The following RIF1 variants were observed in gnomAD, a reference collection of about 807,000 sequenced individuals.
RIF1 encodes the protein telomere-associated protein RIF1.
In RIF1, 45 loss-of-function variants were observed where a neutral mutation model predicts 247.1. The ratio of observed to expected loss-of-function variants is 0.18; its 90% CI spans 0.14 to 0.23. The LOEUF (loss-of-function observed/expected upper bound fraction) is 0.23, where lower values mean the gene tolerates loss of function less well. Ranked by LOEUF, RIF1 falls within the 10% of genes least tolerant of loss-of-function variation. The pLI is 1.00. For synonymous variants in RIF1, 1,087 were observed against 978.8 expected (o/e 1.11, Z -2.06); for missense variants, 2,967 against 2,862.5 (o/e 1.04, Z -0.83).
intron 26 of RIF1, 22 bp from the exon 27 acceptor site, chr2:151,461,111 CATTTG>C: frequency 6.3e-7 from 1 of 1,593,884 alleles, no homozygotes; most frequent in Non-Finnish European, 8.5e-7. Context: ...CTAAAATGTA[CATTTG>C]CTTATTTTTT....
chr2:151,519,875 GA>G, the RIF1 span: 1 of 686,378 alleles, frequency 1.5e-6, no homozygotes, highest in Non-Finnish European at 2.6e-6. Context: ...TACATAGAGT[GA>G]TCATATAATC....
chr2:151,468,279 A>G (rs960785288), intron 31 of RIF1, 133 bp downstream of exon 31: 46 of 929,390 alleles, frequency 4.9e-5, no homozygotes, highest in Admixed American at 3.3e-4. Context: ...TGTCTGGTAC[A>G]CGGTAAGCAG....
At chr2:151,514,927 T>TTCCCACTCTGCA in the RIF1 span, 1 of 1,549,402 alleles carries the variant, frequency 6.5e-7, no homozygotes, top group Non-Finnish European at 8.8e-7. Context: ...CCTATATTCT[T>TTCCCACTCTGCA]TCTAATGTAA....
chr2:151,465,044 G>T lies in RIF1; in HGVS notation c.5524G>T (p.Asp1842Tyr). Reference protein sequence around the residue: ...VNFREEICDMDSSEAMSLESQ... With the variant: ...VNFREEICDMYSSEAMSLESQ... The stretch of plus-strand genomic sequence containing the variant: ...CTTTAGAGAGGAAATTTGTGATATG[G>T]ATTCTAGTGAAGCAATGTCTCTTGA... The change falls in exon 30 of 36, where the codon GAT becomes TAT. Residue 1842 changes from aspartate (D) to tyrosine (Y), a missense_variant. Physicochemically the swap from Asp to Tyr is radical, Grantham distance 160. Coordinates refer to ENST00000444746, the MANE Select transcript of RIF1 (RefSeq NM_018151.5). The T allele has an allele frequency of 1.9e-6, 3 of 1,587,032 alleles. No individual in the cohort carries two copies. Among genetic ancestry groups the T allele is most frequent in the South Asian group, 1.2e-5 (1 of 85,004 alleles).
rs570293736 is a variant in RIF1 at position 151,459,158 on chromosome 2, A to G, written c.2955+248A>G. ...CTCATCTGTGCTGTTCACAAAGAGT[A>G]AAATACATAATTGTTGCTTTGGAAA... is the stretch of plus-strand genomic sequence containing the variant. On this transcript the variant is annotated intron_variant, in intron 25 of 35. Transcript: ENST00000444746. Among the ~76,000 whole-genome samples, 9 of 152,324 alleles carry G rather than the reference A, an allele frequency of 5.9e-5. No individual in the cohort carries two copies. The South Asian group carries it at 1.2e-3, about 21-fold the overall frequency.
intron 7 of RIF1, among the ~76,000 whole-genome samples, chr2:151,421,998 A>G (rs1241298154): frequency 1.3e-5 from 2 of 151,374 alleles, no homozygotes; most frequent in African/African-American, 4.9e-5. Flanking sequence ...TGCCCGACCG[A>G]TATTTGTATT....
chr2:151,468,550 T>C lies in RIF1; in HGVS notation c.6824T>C (p.Leu2275Ser), dbSNP rs1697312538. Residue 2275 changes from leucine (L) to serine (S), a missense_variant and splice_region_variant, in exon 32 of 36, where the codon TTA (leucine) becomes TCA (serine). Coordinates refer to ENST00000444746, the MANE Select transcript of RIF1 (RefSeq NM_018151.5). ...AAATTTAAGAGCTCAAAGAAGTGTT[T>C]AGTAAGAAGTGCTTTAGTTTTCATG... ...SPKFKSSKKC[L>S]ISEMAKESIP... 1.2e-6 allele frequency: 2 copies of C among 1,611,466 alleles called. No homozygotes were observed. The highest frequency in any genetic ancestry group is 1.7e-6 in the Non-Finnish European group (2 of 1,177,700).
At chr2:151,418,182 TTTAAA>T in intron 6 of RIF1, among the ~76,000 whole-genome samples, 1 of 152,176 alleles carries the variant, frequency 6.6e-6, no homozygotes, top group African/African-American at 2.4e-5. Flanking sequence ...TAAAAACATT[TTTAAA>T]ATAAATTAAC....
intron 18 of RIF1, 64 bp from the exon 19 acceptor site, chr2:151,445,274 T>C (rs993369208): frequency 6.4e-6 from 6 of 932,674 alleles, no homozygotes; most frequent in East Asian, 4.8e-5. Flanking sequence ...AAATAAGTTA[T>C]GTTACTACTT....
chr2:151,469,869 A>T lies in RIF1; in HGVS notation c.7095+5A>T. The T allele has an allele frequency of 3.1e-6, 5 of 1,587,720 alleles. No homozygotes were observed. Among genetic ancestry groups the T allele is most frequent in the Non-Finnish European group, 4.3e-6 (5 of 1,167,930 alleles). On this transcript the variant is annotated splice_donor_5th_base_variant and intron_variant, in intron 34 of 35. Transcript: ENST00000444746. The stretch of plus-strand genomic sequence containing the variant: ...AGAATATATCATGAGCAGCAGGTAA[A>T]AACTTAGATATTAGCTATGATGTAT...
chr2:151,534,224 C>G, the RIF1 span: 1 of 1,613,322 alleles, frequency 6.2e-7, no homozygotes, highest in African/African-American at 1.3e-5. Flanking sequence ...CCTGACTGAT[C>G]TGGTCGCCTG....
intron 8 of RIF1, among the ~76,000 whole-genome samples, chr2:151,426,168 AT>A (rs35001554): frequency 0.019 from 1,091 of 58,132 alleles, 8 homozygotes; most frequent in Middle Eastern, 0.056. Context: ...TTGGCTTTTA[AT>A]TTTTTTTTTT....
At chr2:151,411,363 T>G (rs753634523) in intron 3 of RIF1, 25 bp downstream of exon 3, 1 of 1,456,706 alleles carries the variant, frequency 6.9e-7, no homozygotes, top group Non-Finnish European at 9.4e-7. Context: ...GTTAAACAGT[T>G]TTTCACTTTT....
rs1261996796 is a variant in RIF1 at position 151,492,278 on chromosome 2, T to C, written c.*416-2951T>C. 9 of 1,610,422 alleles carry C rather than the reference T, an allele frequency of 5.6e-6. No individual in the cohort carries two copies. The highest frequency in any genetic ancestry group is 7.6e-6 in the Non-Finnish European group (9 of 1,177,550). ...TGTTTCTCAAAGTCTTCATGATATTTCACCTGAAATGTCATGAATTTGCTT... is the reference window on the plus strand; with the variant it reads ...TGTTTCTCAAAGTCTTCATGATATTCCACCTGAAATGTCATGAATTTGCTT... On this transcript the variant is annotated intron_variant and NMD_transcript_variant, in intron 9 of 13. Coordinates refer to the RIF1 transcript ENST00000454583.
chr2:151,531,757 A>G, the RIF1 span: 4 of 1,486,616 alleles, frequency 2.7e-6, no homozygotes, highest in Non-Finnish European at 3.7e-6. Flanking sequence ...ATGCCCCCTG[A>G]GTTTGAGAAG....
chr2:151,445,322 A>T lies in RIF1; in HGVS notation c.1987-16A>T. On this transcript the variant is annotated splice_polypyrimidine_tract_variant and intron_variant, in intron 18 of 35. Transcript: ENST00000444746. ...AGATGGTAATTTGTCTAACTTCATT[A>T]TTTTTCTTGTTTTAGACCAATGAAG... 1 of 1,381,866 alleles carries T rather than the reference A, an allele frequency of 7.2e-7. No homozygotes were observed. Among genetic ancestry groups the T allele is most frequent in the Non-Finnish European group, 1.0e-6 (1 of 968,592 alleles). 85.6% of individuals were successfully genotyped at this position (1,381,866 alleles called of 1,614,324 possible).
At chr2:151,457,671 T>G in intron 23 of RIF1, 90 bp from the exon 24 acceptor site, 1 of 918,016 alleles carries the variant, frequency 1.1e-6, no homozygotes, top group Non-Finnish European at 1.7e-6. Context: ...AGTTTAAAAT[T>G]GTCTTAATTT....
At chr2:151,462,622 T>C (rs1696359264) in intron 29 of RIF1, among the ~76,000 whole-genome samples, 156 bp downstream of exon 29, 1 of 150,980 alleles carries the variant, frequency 6.6e-6, no homozygotes, top group African/African-American at 2.4e-5. Context: ...ATTCAGATAC[T>C]AGCAGAATAT....
Position 151,463,228 on chromosome 2 carries a change from T to C in RIF1, c.3708T>C (p.Ser1236=), listed in dbSNP as rs143849561. 54 of 1,613,872 alleles carry C rather than the reference T, an allele frequency of 3.3e-5. No individual in the cohort carries two copies. In the African/African-American group the frequency reaches 6.0e-4, roughly 18 times the overall value. ...KFDGSENRPF[S]PSPLNNISST... is the part of the protein sequence containing the mutation. ...ATGGTTCAGAAAATAGACCTTTTAG[T>C]CCATCCCCCTTGAATAATATTTCAT... The change falls in exon 30 of 36, where the codon AGT becomes AGC. Residue 1236 remains serine (S), a synonymous_variant. Coordinates refer to ENST00000444746, the MANE Select transcript of RIF1 (RefSeq NM_018151.5).
Sources: allele counts gnomAD v4.1 joint callset (sites outside exome capture counted in the v4.1 genomes callset), GRCh38; gene constraint gnomAD v4.1.1; transcripts MANE v1.5; gene names NCBI Gene and HGNC (gene_info 2026-07-23, HGNC 2026-07-21).